Variants in TBC1D14 observed in about 807,000 individuals in gnomAD.
TBC1D14 encodes the protein TBC1 domain family, member 14.
TBC1D14 carries 26 observed loss-of-function variants against 79.0 expected under a neutral mutation model. That is an observed-to-expected ratio of 0.33 (90% confidence interval 0.24 to 0.46). TBC1D14 has a LOEUF of 0.46. TBC1D14 is among the 20% of genes least tolerant of loss of function. TBC1D14 has a pLI of 1.00. For missense variants in TBC1D14, 769 were observed against 887.6 expected (o/e 0.87, Z 1.70); for synonymous variants, 394 against 349.9 (o/e 1.13, Z -1.40).
At chr4:7,028,704 C>G (rs774763066) in intron 13 of TBC1D14, among the ~76,000 whole-genome samples, 1 of 152,166 alleles carries the variant, frequency 6.6e-6, no homozygotes. Flanking sequence ...GGATTATAGG[C>G]GTGAGCCACC....
intron 3 of TBC1D14, among the ~76,000 whole-genome samples, chr4:6,976,099 C>CAA (rs1716691297): frequency 6.6e-6 from 1 of 151,874 alleles, no homozygotes; most frequent in Admixed American, 6.6e-5. Flanking sequence ...CAAAACAAAA[C>CAA]AAAAAACAGA....
At chr4:6,917,918 CAG>C (rs1723533583) in intron 1 of TBC1D14, among the ~76,000 whole-genome samples, 1 of 152,128 alleles carries the variant, frequency 6.6e-6, no homozygotes, top group Non-Finnish European at 1.5e-5. Context: ...TTGGCCCTTG[CAG>C]AGTTTGGTTT....
rs1722822838 is a variant in TBC1D14 at position 6,909,862 on chromosome 4, G to C, written c.-107G>C. 6.7e-6 allele frequency: 1 copy of C among 148,196 alleles called. No homozygotes were observed. Among genetic ancestry groups the C allele is most frequent in the Non-Finnish European group, 1.5e-5 (1 of 66,402 alleles). The allele number at this position is 148,196 out of a possible 1,614,324, so 9.2% of individuals were successfully genotyped here. On this transcript the variant is annotated 5_prime_UTR_variant, in exon 1 of 14. Coordinates refer to ENST00000409757, the MANE Select transcript of TBC1D14 (RefSeq NM_020773.3). ...GGACCCGCTGCCTACCGCGTGCCCG[G>C]CGTCCTCGTCGCGCGAGTTGCCGGT...
At chr4:7,024,431 C>T (rs1007367320) in intron 12 of TBC1D14, among the ~76,000 whole-genome samples, 1 of 152,178 alleles carries the variant, frequency 6.6e-6, no homozygotes, top group Non-Finnish European at 1.5e-5. Flanking sequence ...GAGCCAGGAG[C>T]GTCTGGGAAG....
intron 2 of TBC1D14, among the ~76,000 whole-genome samples, chr4:6,933,008 C>G (rs890528229): frequency 2.0e-5 from 3 of 151,924 alleles, no homozygotes; most frequent in African/African-American, 4.8e-5. Flanking sequence ...TGGCAGAGCT[C>G]GTTGTGGCTA....
At chr4:6,937,852 G>A (rs561153403) in intron 2 of TBC1D14, among the ~76,000 whole-genome samples, 9 of 152,200 alleles carry the variant, frequency 5.9e-5, no homozygotes, top group African/African-American at 1.7e-4. Flanking sequence ...GTGGGGGGTC[G>A]TCACCGTGTG....
chr4:6,941,073 G>A (rs976681717), intron 2 of TBC1D14, among the ~76,000 whole-genome samples: 71 of 152,000 alleles, frequency 4.7e-4, no homozygotes, highest in Admixed American at 1.6e-3. Flanking sequence ...TGGCTGTTCC[G>A]TGATCAACCA....
chr4:7,025,922 A>G (rs998926374), intron 13 of TBC1D14, among the ~76,000 whole-genome samples: 1 of 152,198 alleles, frequency 6.6e-6, no homozygotes, highest in African/African-American at 2.4e-5. Context: ...AAAGGAAAAA[A>G]AAACCAGTTT....
chr4:6,947,804 G>C (rs1713630469), intron 2 of TBC1D14, among the ~76,000 whole-genome samples: 1 of 152,060 alleles, frequency 6.6e-6, no homozygotes, highest in African/African-American at 2.4e-5. Context: ...ATCTTGCTTT[G>C]GACTCAGTGA....
intron 2 of TBC1D14, among the ~76,000 whole-genome samples, chr4:6,964,588 G>A (rs1339308780): frequency 6.6e-6 from 1 of 152,196 alleles, no homozygotes; most frequent in Non-Finnish European, 1.5e-5. Flanking sequence ...TAAACGGATT[G>A]AATCTCAGAC....
chr4:6,924,387 C>T (rs1395194247), intron 2 of TBC1D14, among the ~76,000 whole-genome samples: 1 of 152,156 alleles, frequency 6.6e-6, no homozygotes, highest in Non-Finnish European at 1.5e-5. Context: ...GCCAGTGTTA[C>T]CAAATCAGCA....
intron 2 of TBC1D14, among the ~76,000 whole-genome samples, chr4:6,956,079 G>A (rs897090891): frequency 9.9e-5 from 15 of 152,186 alleles, no homozygotes; most frequent in Admixed American, 2.6e-4. Context: ...ATTAGAAGAG[G>A]TGGTACCCAC....
intron 12 of TBC1D14, 74 bp downstream of exon 12, chr4:7,014,631 ACTT>A: frequency 1.9e-6 from 2 of 1,049,944 alleles, no homozygotes; most frequent in Non-Finnish European, 2.9e-6. Context: ...TTCTCTGCCA[ACTT>A]CTTCATGGCC....
intron 3 of TBC1D14, among the ~76,000 whole-genome samples, chr4:6,975,963 G>A (rs934024547): frequency 6.6e-6 from 1 of 152,060 alleles, no homozygotes; most frequent in African/African-American, 2.4e-5. Context: ...TGTGGTGGCA[G>A]GTGCCTGTAA....
chr4:6,998,981 G>T, intron 5 of TBC1D14, 104 bp from the exon 6 acceptor site: 1 of 1,013,216 alleles, frequency 9.9e-7, no homozygotes, highest in East Asian at 2.5e-5. Flanking sequence ...TCTGCTTCAG[G>T]GCGGTTTTCC....
chr4:7,026,259 G>A (rs1340010683), intron 13 of TBC1D14, among the ~76,000 whole-genome samples: 4 of 151,990 alleles, frequency 2.6e-5, no homozygotes, highest in Admixed American at 1.3e-4. Flanking sequence ...CTGTGGAAGC[G>A]CAGCGGCTGT....
At chr4:6,964,861 C>G (rs1715560341) in intron 2 of TBC1D14, among the ~76,000 whole-genome samples, 1 of 152,154 alleles carries the variant, frequency 6.6e-6, no homozygotes, top group Non-Finnish European at 1.5e-5. Flanking sequence ...CTGCAGAAAA[C>G]CCCCGGAACT....
rs143366980 is a variant in TBC1D14 at position 6,951,105 on chromosome 4, C to A, written c.723-16199C>A. ...TGGAGTTTGAGACCAGCCTGGCCAA[C>A]ATGGTGAAACACCCTGTCTCTACTA... is the stretch of plus-strand genomic sequence containing the variant. On this transcript the variant is annotated intron_variant, in intron 2 of 13. Coordinates refer to ENST00000409757, the MANE Select transcript of TBC1D14 (RefSeq NM_020773.3). 2.3e-3 allele frequency among the ~76,000 whole-genome samples: 354 copies of A among 152,272 alleles called. 2 individuals are homozygous for A. The highest frequency in any genetic ancestry group is 8.2e-3 in the African/African-American group (342 of 41,554).
chr4:6,983,261 C>T (rs528670208), intron 3 of TBC1D14, among the ~76,000 whole-genome samples: 42 of 152,210 alleles, frequency 2.8e-4, no homozygotes, highest in Middle Eastern at 3.4e-3. Context: ...CGTGAGCCAC[C>T]GTACCCGGCC....
Sources: gnomAD v4.1 joint callset for allele counts (sites outside exome capture counted in the v4.1 genomes callset) on GRCh38, gnomAD v4.1.1 for gene constraint, MANE v1.5 for transcripts, NCBI Gene and HGNC (gene_info 2026-07-23, HGNC 2026-07-21) for gene names.